Variants in CNTN5 observed in about 807,000 individuals in gnomAD.
The protein encoded by CNTN5 is contactin-5.
A neutral mutation model predicts 129.1 loss-of-function variants in CNTN5; 77 were observed. The observed-to-expected ratio is 0.60, with a 90% CI of 0.50 to 0.72. The LOEUF (loss-of-function observed/expected upper bound fraction) is 0.72. Ranked by LOEUF, CNTN5 falls within the 30% of genes least tolerant of loss-of-function variation. CNTN5 has a pLI of 0.00. For synonymous variants in CNTN5, 509 were observed against 465.6 expected (o/e 1.09, Z -1.20); for missense variants, 1,478 against 1,328.8 (o/e 1.11, Z -1.75).
At chr11:99,864,758 T>C (rs1477967327) in intron 6 of CNTN5, among the ~76,000 whole-genome samples, 1 of 152,228 alleles carries the variant, frequency 6.6e-6, no homozygotes, top group Non-Finnish European at 1.5e-5. Flanking sequence ...ATTGCATTAA[T>C]GCATTAGCAA....
chr11:99,550,561 G>T (rs948834320), intron 2 of CNTN5, among the ~76,000 whole-genome samples: 1 of 151,974 alleles, frequency 6.6e-6, no homozygotes, highest in African/African-American at 2.4e-5. Flanking sequence ...GGAGAATAAG[G>T]TCCACGGAAA....
chr11:99,226,084 G>C (rs1458991964), intron 1 of CNTN5, among the ~76,000 whole-genome samples: 4 of 152,170 alleles, frequency 2.6e-5, no homozygotes, highest in Non-Finnish European at 5.9e-5. Context: ...AAATTTAAGA[G>C]ATCATGATAT....
chr11:99,877,460 A>C (rs1181565732), intron 6 of CNTN5, among the ~76,000 whole-genome samples: 1 of 152,190 alleles, frequency 6.6e-6, no homozygotes, highest in East Asian at 1.9e-4. Flanking sequence ...CCAAAACCAC[A>C]TTCTTGGCTC....
intron 13 of CNTN5, among the ~76,000 whole-genome samples, chr11:100,113,070 GTCTT>G (rs1236074363): frequency 6.6e-6 from 1 of 151,898 alleles, no homozygotes; most frequent in African/African-American, 2.4e-5. Context: ...ACCTGTTTGA[GTCTT>G]TCATTATGGA....
intron 1 of CNTN5, among the ~76,000 whole-genome samples, chr11:99,197,836 A>C (rs999375105): frequency 1.3e-5 from 2 of 152,122 alleles, no homozygotes; most frequent in African/African-American, 4.8e-5. Flanking sequence ...ATTATTTTCT[A>C]ATAGTAGAGA....
At chr11:99,723,867 T>C (rs1057321416) in intron 3 of CNTN5, among the ~76,000 whole-genome samples, 2 of 152,120 alleles carry the variant, frequency 1.3e-5, no homozygotes, top group Non-Finnish European at 2.9e-5. Flanking sequence ...AAACTGAGGC[T>C]CAGATAATTT....
At chr11:99,131,479 A>G (rs1858934367) in intron 1 of CNTN5, among the ~76,000 whole-genome samples, 1 of 151,894 alleles carries the variant, frequency 6.6e-6, no homozygotes, top group Non-Finnish European at 1.5e-5. Flanking sequence ...TGGTTTTTTG[A>G]AAAAATCAAT....
intron 1 of CNTN5, among the ~76,000 whole-genome samples, chr11:99,060,645 C>T (rs1864836435): frequency 6.6e-6 from 1 of 151,502 alleles, no homozygotes; most frequent in Admixed American, 6.6e-5. Flanking sequence ...GAAATTTGCT[C>T]ATAGACCTAT....
chr11:99,998,109 C>T (rs1001582181), intron 8 of CNTN5, among the ~76,000 whole-genome samples: 4 of 151,782 alleles, frequency 2.6e-5, no homozygotes, highest in Non-Finnish European at 5.9e-5. Context: ...CAGGGATGCC[C>T]TCTCTCACCA....
At chr11:99,331,192 A>G (rs2136026474) in intron 2 of CNTN5, among the ~76,000 whole-genome samples, 1 of 152,202 alleles carries the variant, frequency 6.6e-6, no homozygotes, top group African/African-American at 2.4e-5. Flanking sequence ...TAACCTTTGG[A>G]AGATACTAGA....
At chr11:99,463,311 G>C (rs182772588) in intron 2 of CNTN5, among the ~76,000 whole-genome samples, 1 of 150,014 alleles carries the variant, frequency 6.7e-6, no homozygotes, top group Admixed American at 6.6e-5. Flanking sequence ...GGTGGCGGGC[G>C]CCTGTAGTCC....
intron 3 of CNTN5, among the ~76,000 whole-genome samples, chr11:99,757,650 C>G (rs1187653457): frequency 6.6e-6 from 1 of 151,932 alleles, no homozygotes; most frequent in Admixed American, 6.6e-5. Flanking sequence ...CTCTAAGGTT[C>G]CAGGAAGAAC....
chr11:100,349,979 T>A (rs1307564987), intron 23 of CNTN5, among the ~76,000 whole-genome samples: 1 of 151,850 alleles, frequency 6.6e-6, no homozygotes, highest in Non-Finnish European at 1.5e-5. Context: ...TGATTTGCAG[T>A]TCCAAAATTG....
At chr11:99,430,351 AATC>A (rs1300061047) in intron 2 of CNTN5, among the ~76,000 whole-genome samples, 1 of 146,612 alleles carries the variant, frequency 6.8e-6, no homozygotes, top group Non-Finnish European at 1.5e-5. Context: ...AGAAGTGTAA[AATC>A]ATATATATAT....
chr11:99,576,968 C>G (rs972443292), intron 3 of CNTN5, among the ~76,000 whole-genome samples: 1 of 152,120 alleles, frequency 6.6e-6, no homozygotes, highest in African/African-American at 2.4e-5. Context: ...CAGCACAAAT[C>G]TTTGGACTGA....
At position 99,171,476 on chromosome 11, in the gene CNTN5, T is replaced by C. The variant is rs2135541266; in HGVS notation, c.-210+150206T>C. 1.3e-5 allele frequency among the ~76,000 whole-genome samples: 2 copies of C among 152,344 alleles called. 1 individual carries two copies. Among genetic ancestry groups the C allele is most frequent in the South Asian group, 4.1e-4 (2 of 4,832 alleles). ...TTACCCAGCCAATTCCTCATTGTCA[T>C]GTAACACGTACTCCAGTTTTTTTGC... On this transcript the variant is annotated intron_variant, in intron 1 of 24. Coordinates refer to ENST00000524871, the MANE Select transcript of CNTN5 (RefSeq NM_014361.4).
intron 9 of CNTN5, among the ~76,000 whole-genome samples, chr11:100,019,501 A>G (rs1256087013): frequency 1.3e-5 from 2 of 152,076 alleles, no homozygotes; most frequent in South Asian, 2.1e-4. Context: ...AGGTTCATCC[A>G]TGTTGTTACA....
intron 3 of CNTN5, among the ~76,000 whole-genome samples, chr11:99,624,781 T>C (rs1951071394): frequency 6.6e-6 from 1 of 152,194 alleles, no homozygotes; most frequent in African/African-American, 2.4e-5. Flanking sequence ...CACTGTTGCA[T>C]GTACACAAAC....
chr11:99,816,881 G>A (rs914459004), intron 3 of CNTN5, among the ~76,000 whole-genome samples: 7 of 151,928 alleles, frequency 4.6e-5, no homozygotes, highest in African/African-American at 9.7e-5. Flanking sequence ...TACTTTCAAG[G>A]TTTTTATATA....
Sources: allele counts gnomAD v4.1 joint callset (sites outside exome capture counted in the v4.1 genomes callset), GRCh38; gene constraint gnomAD v4.1.1; transcripts MANE v1.5; gene names NCBI Gene and HGNC (gene_info 2026-07-23, HGNC 2026-07-21).